The following LNX1 variants were observed in gnomAD, a reference collection of about 807,000 sequenced individuals.
LNX1 encodes ligand of numb-protein X 1, also known as E3 ubiquitin-protein ligase LNX.
LNX1 carries 54 observed loss-of-function variants against 68.4 expected under a neutral mutation model. That is an observed-to-expected ratio of 0.79 (90% CI 0.63 to 0.99). The LOEUF is 0.99. Among genes scored for constraint, LNX1 ranks in the 50% least tolerant of loss-of-function variants. The pLI is 0.00. For synonymous variants in LNX1, 336 were observed against 350.0 expected, an observed-to-expected ratio of 0.96 and a Z score of 0.45; for missense variants, 906 against 926.4, an observed-to-expected ratio of 0.98 and a Z score of 0.29.
chr4:53,637,769 C>G (rs1734536927), intron 1 of LNX1, among the ~76,000 whole-genome samples: 1 of 152,154 alleles, frequency 6.6e-6, no homozygotes, highest in Admixed American at 6.5e-5. Flanking sequence ...GAAGGAGTGT[C>G]TTAGAATTAA....
chr4:53,545,729 T>C (rs1729066246), intron 2 of LNX1, among the ~76,000 whole-genome samples: 2 of 152,086 alleles, frequency 1.3e-5, no homozygotes, highest in African/African-American at 4.8e-5. Context: ...GGCTTGAAGC[T>C]TAGCTGAAGT....
chr4:53,523,949 C>T (rs1727430476), intron 2 of LNX1, among the ~76,000 whole-genome samples: 1 of 152,198 alleles, frequency 6.6e-6, no homozygotes. Flanking sequence ...ATTCAGAAGA[C>T]ATCTTTCTTT....
chr4:53,527,217 C>T (rs184107290), intron 2 of LNX1, among the ~76,000 whole-genome samples: 12 of 152,154 alleles, frequency 7.9e-5, no homozygotes, highest in African/African-American at 2.7e-4. Flanking sequence ...ATATGAATTT[C>T]AATGAACAGA....
chr4:53,494,705 C>T (rs1724927649), intron 6 of LNX1, among the ~76,000 whole-genome samples: 1 of 152,226 alleles, frequency 6.6e-6, no homozygotes, highest in Admixed American at 6.5e-5. Context: ...GGTCCTCCCT[C>T]CAATTTCTGC....
chr4:53,491,579 A>G (rs1485994047), intron 6 of LNX1, among the ~76,000 whole-genome samples: 1 of 152,186 alleles, frequency 6.6e-6, no homozygotes, highest in Non-Finnish European at 1.5e-5. Context: ...AAGAGTAGAT[A>G]TGGTATCTTG....
chr4:53,569,967 C>G (rs1412184881), intron 2 of LNX1, among the ~76,000 whole-genome samples: 8 of 152,136 alleles, frequency 5.3e-5, no homozygotes, highest in East Asian at 1.9e-4. Context: ...CAATGAGATA[C>G]TATCTCACAC....
intron 2 of LNX1, among the ~76,000 whole-genome samples, chr4:53,552,044 T>A (rs1406670551): frequency 1.3e-5 from 2 of 152,194 alleles, no homozygotes; most frequent in African/African-American, 4.8e-5. Flanking sequence ...TATAATTTTC[T>A]CTCCAGATTC....
chr4:53,588,323 A>C (rs1732299849), intron 1 of LNX1, among the ~76,000 whole-genome samples: 1 of 152,174 alleles, frequency 6.6e-6, no homozygotes, highest in Admixed American at 6.5e-5. Flanking sequence ...ATTTACAAGT[A>C]ACACTGTGGC....
intron 9 of LNX1, among the ~76,000 whole-genome samples, chr4:53,474,960 G>T: frequency 6.6e-6 from 1 of 152,164 alleles, no homozygotes; most frequent in East Asian, 1.9e-4. Flanking sequence ...TAGAGATGCG[G>T]TTTTGCCATG....
chr4:53,465,871 G>C (rs1480150290), intron 9 of LNX1, among the ~76,000 whole-genome samples: 4 of 152,196 alleles, frequency 2.6e-5, no homozygotes, highest in Non-Finnish European at 5.9e-5. Context: ...CCTTGGCAAT[G>C]TGTATACACA....
Position 53,460,739 on chromosome 4 carries a change from A to T in LNX1, c.*168T>A. ...AAACTAGTAGTTTTAATTTTTTTGG[A>T]ATCATATTTTCTGAGGTGTAACTGG... On this transcript the variant is annotated 3_prime_UTR_variant, in exon 11 of 11. Transcript: ENST00000263925. The T allele has an allele frequency of 1.6e-6, 1 of 629,824 alleles. No individual in the cohort carries two copies. The highest frequency in any genetic ancestry group is 2.6e-6 in the Non-Finnish European group (1 of 382,800). 39.0% of individuals were successfully genotyped at this position (629,824 alleles called of 1,614,324 possible). A position where few individuals can be genotyped will look rare whatever the true frequency, so the allele number is the denominator to read the frequency against.
chr4:53,565,582 T>G (rs375509134), intron 2 of LNX1, among the ~76,000 whole-genome samples: 721 of 138,986 alleles, frequency 5.2e-3, no homozygotes, highest in African/African-American at 0.013. Context: ...ACTCTAAAAA[T>G]CAGAGCGCCT....
At chr4:53,610,715 GAA>G (rs10553873) in intron 2 of LNX1, among the ~76,000 whole-genome samples, 48,816 of 112,248 alleles carry the variant, frequency 0.43, 9,658 homozygotes, top group Admixed American at 0.5. Context: ...TCTCAAAGAG[GAA>G]AAAAAAAAAA....
intron 9 of LNX1, among the ~76,000 whole-genome samples, chr4:53,466,779 G>A (rs1223861965): frequency 6.6e-6 from 1 of 152,248 alleles, no homozygotes; most frequent in Non-Finnish European, 1.5e-5. Flanking sequence ...GCAAGGCTGG[G>A]GGAGGGGCGC....
intron 9 of LNX1, among the ~76,000 whole-genome samples, chr4:53,471,697 A>T (rs1162365172): frequency 2.0e-5 from 3 of 152,232 alleles, no homozygotes; most frequent in African/African-American, 7.2e-5. Context: ...GACACTTCTC[A>T]AAAGAAGACA....
chr4:53,540,510 G>A (rs777389308), intron 2 of LNX1, among the ~76,000 whole-genome samples: 5 of 151,884 alleles, frequency 3.3e-5, no homozygotes, highest in East Asian at 1.9e-4. Context: ...GTGAAACCCC[G>A]TCTCTACTGA....
chr4:53,511,950 C>T (rs964372417), intron 2 of LNX1, among the ~76,000 whole-genome samples: 12 of 152,318 alleles, frequency 7.9e-5, no homozygotes, highest in African/African-American at 2.2e-4. Flanking sequence ...TCCAGCCATA[C>T]GACCTCCCTT....
At chr4:53,560,142 T>C (rs1730181926) in intron 2 of LNX1, among the ~76,000 whole-genome samples, 1 of 152,220 alleles carries the variant, frequency 6.6e-6, no homozygotes, top group African/African-American at 2.4e-5. Context: ...CATGCTCTTC[T>C]TGGATGTCCA....
At chr4:53,581,308 T>C (rs1731822911) in intron 1 of LNX1, among the ~76,000 whole-genome samples, 1 of 152,202 alleles carries the variant, frequency 6.6e-6, no homozygotes, top group African/African-American at 2.4e-5. Context: ...AGTAGGTATA[T>C]CAAAACTTAA....
Sources: gnomAD v4.1 joint callset for allele counts (sites outside exome capture counted in the v4.1 genomes callset) on GRCh38, gnomAD v4.1.1 for gene constraint, MANE v1.5 for transcripts, NCBI Gene and HGNC (gene_info 2026-07-23, HGNC 2026-07-21) for gene names.